GOSR1: variants seen among roughly 807,000 people sequenced by gnomAD.
GOSR1 encodes the protein 28 kDa Golgi SNARE protein.
In GOSR1, 21 loss-of-function variants were observed where a neutral mutation model predicts 35.5. The ratio of observed to expected loss-of-function variants is 0.59; its 90% CI spans 0.42 to 0.85. The LOEUF is 0.85. GOSR1 is among the 40% of genes least tolerant of loss of function. The pLI is 0.00. For synonymous variants in GOSR1, 94 were observed against 106.6 expected (o/e 0.88, Z 0.73); for missense variants, 285 against 309.6 (o/e 0.92, Z 0.60).
At chr17:30,507,714 C>G (rs1967454667) in intron 6 of GOSR1, among the ~76,000 whole-genome samples, 1 of 117,308 alleles carries the variant, frequency 8.5e-6, no homozygotes, top group Admixed American at 8.7e-5. Context: ...CACAGCAAGA[C>G]TCTGTCTCAA....
At chr17:30,493,991 T>A (rs1966898150) in intron 6 of GOSR1, among the ~76,000 whole-genome samples, 1 of 152,122 alleles carries the variant, frequency 6.6e-6, no homozygotes, top group Admixed American at 6.6e-5. Context: ...ATTTGCAAAG[T>A]TTTTCTATAA....
chr17:30,483,945 C>T (rs973762884), intron 2 of GOSR1, among the ~76,000 whole-genome samples: 8 of 152,156 alleles, frequency 5.3e-5, no homozygotes, highest in Admixed American at 1.3e-4. Context: ...CCTGAGTATT[C>T]GTTAGCTAGT....
intron 5 of GOSR1, chr17:30,490,499 T>A (rs898332281): frequency 3.9e-6 from 1 of 255,604 alleles, no homozygotes; most frequent in Non-Finnish European, 7.6e-6. Flanking sequence ...GGTTCTCTGA[T>A]CTCTTACCTC....
chr17:30,522,051 A>T (rs571719695), intron 8 of GOSR1, among the ~76,000 whole-genome samples: 1 of 151,898 alleles, frequency 6.6e-6, no homozygotes, highest in Admixed American at 6.6e-5. Context: ...AGACTGGGAG[A>T]TGTGTATTGG....
intron 6 of GOSR1, among the ~76,000 whole-genome samples, chr17:30,505,249 G>A (rs192360608): frequency 5.9e-5 from 9 of 152,178 alleles, no homozygotes; most frequent in Admixed American, 5.9e-4. Flanking sequence ...AAATAATAGA[G>A]AGAGGCCGGG....
chr17:30,500,428 A>AT (rs765367305), intron 6 of GOSR1, among the ~76,000 whole-genome samples: 8 of 151,236 alleles, frequency 5.3e-5, no homozygotes, highest in South Asian at 2.1e-4. Flanking sequence ...GTCAGGATTC[A>AT]TTTTTTTTTA....
chr17:30,515,788 CTTTA>C (rs1967786686), intron 7 of GOSR1, among the ~76,000 whole-genome samples: 1 of 152,134 alleles, frequency 6.6e-6, no homozygotes, highest in African/African-American at 2.4e-5. Flanking sequence ...AGTTACATTT[CTTTA>C]TTCTGAAATG....
intron 6 of GOSR1, among the ~76,000 whole-genome samples, chr17:30,502,254 C>A (rs1280772037): frequency 1.3e-5 from 2 of 152,170 alleles, no homozygotes; most frequent in African/African-American, 2.4e-5. Context: ...CAGTAAAACT[C>A]TTCTGTATGA....
chr17:30,501,747 G>A (rs1032254385), intron 6 of GOSR1, among the ~76,000 whole-genome samples: 1 of 152,166 alleles, frequency 6.6e-6, no homozygotes, highest in Non-Finnish European at 1.5e-5. Context: ...ACCCGCCTTG[G>A]CCTCCCAAAG....
chr17:30,491,394 C>T (rs1263354440), intron 5 of GOSR1, among the ~76,000 whole-genome samples: 1 of 152,174 alleles, frequency 6.6e-6, no homozygotes, highest in Non-Finnish European at 1.5e-5. Flanking sequence ...CGTGGTGGCT[C>T]CCGCCTGTAA....
At chr17:30,500,631 CATA>C (rs1231098082) in intron 6 of GOSR1, among the ~76,000 whole-genome samples, 3 of 152,144 alleles carry the variant, frequency 2.0e-5, no homozygotes, top group African/African-American at 7.2e-5. Context: ...ACTGTAGCTT[CATA>C]ATAAGTTTTG....
intron 6 of GOSR1, among the ~76,000 whole-genome samples, chr17:30,498,496 T>TA (rs1175211795): frequency 2.6e-5 from 4 of 152,182 alleles, no homozygotes; most frequent in Admixed American, 6.5e-5. Flanking sequence ...AGGGAGTCAT[T>TA]ACTCTGCTGA....
At chr17:30,484,171 C>T (rs753125832) in intron 2 of GOSR1, 43 bp from the exon 3 acceptor site, 15 of 957,310 alleles carry the variant, frequency 1.6e-5, no homozygotes, top group Middle Eastern at 2.1e-4. Context: ...TTTTAAAGGA[C>T]TGATTTGAGT....
At chr17:30,517,308 C>G (rs1485960530) in intron 7 of GOSR1, among the ~76,000 whole-genome samples, 3 of 152,154 alleles carry the variant, frequency 2.0e-5, no homozygotes, top group African/African-American at 7.2e-5. Flanking sequence ...GGTAGTACCC[C>G]TCCATTCTTA....
intron 4 of GOSR1, 143 bp downstream of exon 4, chr17:30,484,913 T>TTAGCTTTTACTTTTA: frequency 1.5e-6 from 1 of 681,048 alleles, no homozygotes; most frequent in Non-Finnish European, 2.7e-6. Flanking sequence ...TAAAGGGACT[T>TTAGCTTTTACTTTTA]GTTTTACTTT....
chr17:30,489,285 A>C (rs1304338723), intron 4 of GOSR1, among the ~76,000 whole-genome samples: 1 of 152,186 alleles, frequency 6.6e-6, no homozygotes, highest in African/African-American at 2.4e-5. Context: ...AGGGAGGCCA[A>C]GGCACTAGAA....
chr17:30,508,090 CAT>C (rs748585506), intron 6 of GOSR1, among the ~76,000 whole-genome samples: 1 of 152,158 alleles, frequency 6.6e-6, no homozygotes, highest in Non-Finnish European at 1.5e-5. Flanking sequence ...GAATCAATCT[CAT>C]AGATTTGTTG....
intron 6 of GOSR1, among the ~76,000 whole-genome samples, chr17:30,493,317 A>G (rs928469343): frequency 6.6e-6 from 1 of 152,138 alleles, no homozygotes; most frequent in Admixed American, 6.6e-5. Flanking sequence ...CTAATTCTCT[A>G]CAGAGAGAGA....
intron 4 of GOSR1, among the ~76,000 whole-genome samples, chr17:30,488,410 T>G (rs9896063): frequency 6.6e-6 from 1 of 151,282 alleles, no homozygotes; most frequent in East Asian, 1.9e-4. Flanking sequence ...ATGATCCGCC[T>G]GCCTTGGCCT....
Sources: gnomAD v4.1 joint callset for allele counts (sites outside exome capture counted in the v4.1 genomes callset) on GRCh38, gnomAD v4.1.1 for gene constraint, MANE v1.5 for transcripts, NCBI Gene and HGNC (gene_info 2026-07-23, HGNC 2026-07-21) for gene names.